The following ADCY9 variants were observed in gnomAD, a reference collection of about 807,000 sequenced individuals.
ADCY9 encodes adenylate cyclase 9.
Under a neutral mutation model 101.5 loss-of-function variants are expected in ADCY9, and 50 were observed. That is an observed-to-expected ratio of 0.49 (90% CI 0.39 to 0.62). ADCY9 has a LOEUF of 0.62. Ranked by LOEUF, ADCY9 falls within the 20% of genes least tolerant of loss-of-function variation. The probability of loss-of-function intolerance (pLI) is 0.00; values close to 1 mark genes in which losing one functional copy is unlikely to be tolerated. For missense variants in ADCY9, 1,662 were observed against 1,800.4 expected (o/e 0.92, Z 1.39); for synonymous variants, 905 against 769.3 (o/e 1.18, Z -2.92).
chr16:4,103,789 C>T (rs2057058869), intron 2 of ADCY9, among the ~76,000 whole-genome samples: 1 of 152,120 alleles, frequency 6.6e-6, no homozygotes, highest in Admixed American at 6.5e-5. Context: ...CAAGATCACA[C>T]CACTGCACTC....
chr16:4,088,498 C>T (rs1466898422), intron 2 of ADCY9, among the ~76,000 whole-genome samples: 1 of 152,010 alleles, frequency 6.6e-6, no homozygotes, highest in South Asian at 2.1e-4. Flanking sequence ...CCATGTGAAC[C>T]AGGCTGGTCT....
intron 7 of ADCY9, chr16:3,982,827 T>C: frequency 5.2e-6 from 1 of 191,680 alleles, no homozygotes; most frequent in Non-Finnish European, 1.1e-5. Context: ...CTGAGGCAAG[T>C]GCGTGGAGAT....
At chr16:4,064,533 C>T (rs2056789630) in intron 2 of ADCY9, among the ~76,000 whole-genome samples, 1 of 152,188 alleles carries the variant, frequency 6.6e-6, no homozygotes, top group Admixed American at 6.5e-5. Context: ...AGTACAATGG[C>T]ACAATCAGAG....
chr16:3,989,599 C>T (rs910173214), intron 5 of ADCY9, among the ~76,000 whole-genome samples: 2 of 152,154 alleles, frequency 1.3e-5, no homozygotes, highest in African/African-American at 2.4e-5. Context: ...AGGCTGGTCT[C>T]GAACTCCTGG....
At chr16:3,959,198 A>G (rs1443601669), downstream of ADCY9, among the ~76,000 whole-genome samples, 1 of 151,824 alleles carries the variant, frequency 6.6e-6, no homozygotes, top group African/African-American at 2.4e-5. Flanking sequence ...CCATCTCCAC[A>G]AAAAATACAA....
chr16:4,071,246 A>G (rs1473122057), intron 2 of ADCY9, among the ~76,000 whole-genome samples: 1 of 146,074 alleles, frequency 6.8e-6, no homozygotes, highest in Non-Finnish European at 1.5e-5. Context: ...GGGAGAATCA[A>G]TTGAACCCGG....
chr16:4,042,198 C>G (rs972408129), intron 2 of ADCY9, among the ~76,000 whole-genome samples: 2 of 152,070 alleles, frequency 1.3e-5, no homozygotes, highest in African/African-American at 4.8e-5. Flanking sequence ...GCTGGGATTA[C>G]AAGCGTGAGC....
rs574062997 is a variant in ADCY9, at chr16:3,995,756, T to C, written c.1885-2246A>G. On this transcript the variant is annotated intron_variant, in intron 3 of 10. Transcript: ENST00000294016. ...ATATGACCCAGGTTGTATTTAAAGT[T>C]AGACTGCAGACCTGTACTATATTAA... Among the ~76,000 whole-genome samples the C allele has an allele frequency of 6.4e-4, 97 of 152,284 alleles. 1 individual carries two copies. The highest frequency in any genetic ancestry group is 1.2e-3 in the Non-Finnish European group (80 of 68,020).
chr16:3,982,806 G>A (rs979205823), intron 7 of ADCY9: 5 of 175,970 alleles, frequency 2.8e-5, no homozygotes, highest in South Asian at 3.6e-4. Context: ...TCACATCCAA[G>A]AGACCACTGC....
intron 7 of ADCY9, among the ~76,000 whole-genome samples, chr16:3,980,929 C>A (rs900154278): frequency 1.3e-5 from 2 of 152,164 alleles, no homozygotes; most frequent in Non-Finnish European, 2.9e-5. Context: ...GAGGGTGATG[C>A]AGGAAGCCTC....
chr16:3,966,624 G>A lies in ADCY9; in HGVS notation c.3213C>T (p.Tyr1071=), dbSNP rs773408541. The A allele has an allele frequency of 5.0e-6, 8 of 1,614,024 alleles. No homozygotes were observed. Among genetic ancestry groups the A allele is most frequent in the Middle Eastern group, 1.6e-4 (1 of 6,084 alleles). ...FASIVNFSEF[Y]EENYEGGKEC... ...CCTTGCCGCCCTCGTAGTTCTCCTC[G>A]TAGAACTCGCTGAAGTTGACGATGC... The change falls in exon 11 of 11, where the codon TAC becomes TAT. Residue 1071 remains tyrosine, a synonymous_variant. Coordinates refer to ENST00000294016, the MANE Select transcript of ADCY9 (RefSeq NM_001116.4).
chr16:4,012,692 T>C (rs2056412095), intron 2 of ADCY9, among the ~76,000 whole-genome samples: 1 of 152,178 alleles, frequency 6.6e-6, no homozygotes, highest in African/African-American at 2.4e-5. Flanking sequence ...GCTGTGTGCG[T>C]GGAGGTTAAC....
chr16:4,042,469 T>C (rs2056634163), intron 2 of ADCY9, among the ~76,000 whole-genome samples: 1 of 152,194 alleles, frequency 6.6e-6, no homozygotes, highest in African/African-American at 2.4e-5. Flanking sequence ...ATTTTGCATT[T>C]TTATTTCCTT....
chr16:3,968,039 G>A (rs1445913727), intron 10 of ADCY9, among the ~76,000 whole-genome samples: 7 of 151,864 alleles, frequency 4.6e-5, no homozygotes, highest in Non-Finnish European at 1.0e-4. Context: ...TGGCACTTCA[G>A]CTCTAAATAT....
chr16:3,997,410 C>A (rs974153921), intron 3 of ADCY9, among the ~76,000 whole-genome samples: 2 of 152,224 alleles, frequency 1.3e-5, no homozygotes, highest in Non-Finnish European at 2.9e-5. Context: ...GCTCTGGGGG[C>A]CTGGGGCAGT....
intron 2 of ADCY9, among the ~76,000 whole-genome samples, chr16:4,062,191 A>G (rs1251906360): frequency 4.6e-5 from 7 of 152,150 alleles, no homozygotes; most frequent in Non-Finnish European, 7.3e-5. Flanking sequence ...TAAAAAGTAG[A>G]CTGTGATGAG....
intron 2 of ADCY9, among the ~76,000 whole-genome samples, chr16:4,012,551 C>A (rs530650654): frequency 1.5e-4 from 23 of 150,646 alleles, no homozygotes; most frequent in African/African-American, 5.6e-4. Context: ...TTCTTATATT[C>A]TTTCCTGGTT....
chr16:4,107,222 C>G (rs2057082800), intron 2 of ADCY9, among the ~76,000 whole-genome samples: 1 of 152,132 alleles, frequency 6.6e-6, no homozygotes, highest in Non-Finnish European at 1.5e-5. Context: ...ATCTGAGAGG[C>G]TGTATTTCCA....
At chr16:4,074,543 A>AG in intron 2 of ADCY9, among the ~76,000 whole-genome samples, 1 of 151,480 alleles carries the variant, frequency 6.6e-6, no homozygotes, top group Admixed American at 6.6e-5. Context: ...AAAAAAAAAA[A>AG]ACAAAATTTA....
Sources: allele counts gnomAD v4.1 joint callset (sites outside exome capture counted in the v4.1 genomes callset), GRCh38; gene constraint gnomAD v4.1.1; transcripts MANE v1.5; gene names NCBI Gene and HGNC (gene_info 2026-07-23, HGNC 2026-07-21).